The following RFX4 variants were observed in gnomAD, a reference collection of about 807,000 sequenced individuals.
RFX4 encodes transcription factor RFX4.
Under a neutral mutation model 95.0 loss-of-function variants are expected in RFX4, and 10 were observed. The ratio of observed to expected loss-of-function variants is 0.11; its 90% CI spans 0.06 to 0.18. The LOEUF is 0.18. Among genes scored for constraint, RFX4 ranks in the 10% least tolerant of loss-of-function variants. RFX4 has a pLI of 1.00. For synonymous variants in RFX4, 321 were observed against 340.7 expected, an observed-to-expected ratio of 0.94 and a Z score of 0.64; for missense variants, 640 against 922.0, an observed-to-expected ratio of 0.69 and a Z score of 3.96.
At chr12:106,733,391 G>A (rs1380178193) in intron 15 of RFX4, 3 of 263,742 alleles carry the variant, frequency 1.1e-5, no homozygotes, top group African/African-American at 6.5e-5. Flanking sequence ...GCCAAAACCT[G>A]GGTATCTTCC....
In RFX4 at chr12:106,713,080, C is replaced by A. The variant is rs534506350; in HGVS notation, c.993+1569C>A. 1.1e-4 allele frequency among the ~76,000 whole-genome samples: 17 copies of A among 152,350 alleles called. No homozygotes were observed. In the South Asian group the frequency reaches 3.3e-3, roughly 30 times the overall value. ...TAATCAGCAAATGCCCCATTTCCAT[C>A]TCTACCGGAAAGCTTTCAGACGCAT... On this transcript the variant is annotated intron_variant, in intron 10 of 17. Transcript: ENST00000392842.
chr12:106,679,331 T>A (rs2041457473), intron 4 of RFX4, among the ~76,000 whole-genome samples: 1 of 152,146 alleles, frequency 6.6e-6, no homozygotes, highest in Admixed American at 6.5e-5. Flanking sequence ...GGTGTGCACC[T>A]GTAGTCCCAG....
At chr12:106,638,607 G>A (rs192242747) in intron 2 of RFX4, among the ~76,000 whole-genome samples, 1 of 152,252 alleles carries the variant, frequency 6.6e-6, no homozygotes, top group African/African-American at 2.4e-5. Context: ...TGTGGGTTAT[G>A]AACAACAGAG....
At chr12:106,724,880 C>T (rs763605393) in intron 13 of RFX4, among the ~76,000 whole-genome samples, 2 of 151,828 alleles carry the variant, frequency 1.3e-5, no homozygotes, top group African/African-American at 2.4e-5. Flanking sequence ...GGTGTGGTGG[C>T]GGGTGCCTAT....
rs576982598 is a variant in RFX4 at position 106,718,274 on chromosome 12, A to G, written c.1139-1686A>G. ...CCAGTACACTGTGACCTTGGTTTCC[A>G]TTTCTGTAAAATGGGACTAAGGTGA... On this transcript the variant is annotated intron_variant, in intron 11 of 17. Transcript: ENST00000392842. Among the ~76,000 whole-genome samples the G allele has an allele frequency of 2.0e-5, 3 of 152,302 alleles. No individual in the cohort carries two copies. In the East Asian group the frequency reaches 5.8e-4, roughly 29 times the overall value.
At chr12:106,696,135 A>T in intron 7 of RFX4, 148 bp from the exon 8 acceptor site, 1 of 879,774 alleles carries the variant, frequency 1.1e-6, no homozygotes, top group Non-Finnish European at 1.8e-6. Flanking sequence ...AGGGCCTCCT[A>T]CAACATGGCA....
At chr12:106,669,354 T>G (rs1193919168) in intron 4 of RFX4, among the ~76,000 whole-genome samples, 1 of 152,200 alleles carries the variant, frequency 6.6e-6, no homozygotes, top group African/African-American at 2.4e-5. Flanking sequence ...TTTATTTATA[T>G]CCTGCATTTT....
chr12:106,663,727 T>A (rs888384608), intron 4 of RFX4, among the ~76,000 whole-genome samples: 5 of 151,820 alleles, frequency 3.3e-5, no homozygotes, highest in Non-Finnish European at 7.4e-5. Flanking sequence ...ATTGAAGAAA[T>A]TACCCTTTAT....
chr12:106,715,765 C>T (rs2042277301), intron 11 of RFX4, among the ~76,000 whole-genome samples: 1 of 152,072 alleles, frequency 6.6e-6, no homozygotes, highest in African/African-American at 2.4e-5. Flanking sequence ...TGTTCTGGTG[C>T]AATTGGGCAG....
At chr12:106,600,715 TC>T (rs1202458448) in intron 1 of RFX4, among the ~76,000 whole-genome samples, 1 of 152,090 alleles carries the variant, frequency 6.6e-6, no homozygotes, top group Non-Finnish European at 1.5e-5. Context: ...TTCCCAACTT[TC>T]TACCTCATTT....
At chr12:106,675,214 T>C in intron 4 of RFX4, among the ~76,000 whole-genome samples, 1 of 152,160 alleles carries the variant, frequency 6.6e-6, no homozygotes, top group South Asian at 2.1e-4. Flanking sequence ...GTGGATCACT[T>C]GAGGCCAGGA....
chr12:106,761,472 G>T lies in RFX4; in HGVS notation c.*3G>T. ...CCTCTACAGGATGGGCTAAATGACTGCTATCATAGGCATCCATATTTAATA... is the reference window on the plus strand; with the variant it reads ...CCTCTACAGGATGGGCTAAATGACTTCTATCATAGGCATCCATATTTAATA... On this transcript the variant is annotated 3_prime_UTR_variant, in exon 18 of 18. Transcript: ENST00000392842. 6.4e-7 allele frequency: 1 copy of T among 1,552,950 alleles called. No individual in the cohort carries two copies.
chr12:106,752,270 G>A (rs556658544), intron 17 of RFX4, among the ~76,000 whole-genome samples: 23 of 151,056 alleles, frequency 1.5e-4, no homozygotes, highest in Non-Finnish European at 3.1e-4. Context: ...TTATTTCTGA[G>A]GGCTCTGTTC....
intron 7 of RFX4, among the ~76,000 whole-genome samples, chr12:106,692,662 G>A (rs1474472125): frequency 6.6e-6 from 1 of 152,278 alleles, no homozygotes; most frequent in Non-Finnish European, 1.5e-5. Context: ...GATACCTCAG[G>A]AAACTTAATT....
chr12:106,668,002 TTAC>T (rs2041210955), intron 4 of RFX4, among the ~76,000 whole-genome samples: 2 of 152,224 alleles, frequency 1.3e-5, no homozygotes, highest in Admixed American at 1.3e-4. Flanking sequence ...CTCTGAGTTA[TTAC>T]AAAAATTGGG....
intron 1 of RFX4, among the ~76,000 whole-genome samples, chr12:106,593,631 G>T (rs538902030): frequency 1.3e-5 from 2 of 152,106 alleles, no homozygotes; most frequent in African/African-American, 2.4e-5. Context: ...TCAAATCATC[G>T]CAAGTTACAT....
At chr12:106,617,744 T>G (rs1376209221) in intron 2 of RFX4, among the ~76,000 whole-genome samples, 1 of 152,184 alleles carries the variant, frequency 6.6e-6, no homozygotes, top group Non-Finnish European at 1.5e-5. Context: ...TTGTTGTTTT[T>G]GGGACAAAGC....
At chr12:106,757,492 G>A (rs1320194357) in intron 17 of RFX4, among the ~76,000 whole-genome samples, 1 of 149,944 alleles carries the variant, frequency 6.7e-6, no homozygotes, top group African/African-American at 2.5e-5. Context: ...AGGTTGGAGT[G>A]AGCTGAAATC....
At chr12:106,603,535 G>A (rs2039756988) in intron 1 of RFX4, among the ~76,000 whole-genome samples, 1 of 152,242 alleles carries the variant, frequency 6.6e-6, no homozygotes, top group African/African-American at 2.4e-5. Context: ...ATCAGGGGAA[G>A]GGATGCTTCA....
Sources: gnomAD v4.1 joint callset for allele counts (sites outside exome capture counted in the v4.1 genomes callset) on GRCh38, gnomAD v4.1.1 for gene constraint, MANE v1.5 for transcripts, NCBI Gene and HGNC (gene_info 2026-07-23, HGNC 2026-07-21) for gene names.